CSMD1: variants seen among roughly 807,000 people sequenced by gnomAD.
The protein encoded by CSMD1 is CUB and Sushi multiple domains 1, also known as CUB and sushi domain-containing protein 1.
A neutral mutation model predicts 417.5 loss-of-function variants in CSMD1; 213 were observed. The observed-to-expected ratio is 0.51, with a 90% confidence interval of 0.46 to 0.57. The LOEUF is 0.57. CSMD1 is among the 20% of genes least tolerant of loss of function. The pLI, the probability that CSMD1 is intolerant of heterozygous loss-of-function variation, is 0.00. For missense variants in CSMD1, 6,923 were observed against 4,529.7 expected, an observed-to-expected ratio of 1.53 and a Z score of -15.17; for synonymous variants, 2,862 against 1,736.8, an observed-to-expected ratio of 1.65 and a Z score of -16.11.
intron 7 of CSMD1, among the ~76,000 whole-genome samples, chr8:3,624,674 C>G (rs1046207757): frequency 6.6e-6 from 1 of 152,074 alleles, no homozygotes; most frequent in Non-Finnish European, 1.5e-5. Context: ...AGCAGTCTCC[C>G]CAGTGTATTG....
chr8:4,360,338 A>G (rs763403692), intron 3 of CSMD1, among the ~76,000 whole-genome samples: 4 of 152,148 alleles, frequency 2.6e-5, no homozygotes, highest in African/African-American at 7.2e-5. Context: ...TCCTCCTCTT[A>G]TCTGTTGCAT....
At chr8:3,160,494 G>C (rs1216859163) in intron 38 of CSMD1, among the ~76,000 whole-genome samples, 2 of 152,186 alleles carry the variant, frequency 1.3e-5, no homozygotes, top group Non-Finnish European at 2.9e-5. Context: ...TGAATAGCTT[G>C]AGTGTGTTTG....
At chr8:3,797,720 T>C (rs1353685435) in intron 5 of CSMD1, among the ~76,000 whole-genome samples, 1 of 152,018 alleles carries the variant, frequency 6.6e-6, no homozygotes, top group African/African-American at 2.4e-5. Flanking sequence ...AAAGCTGCTA[T>C]ACATATTCTT....
At chr8:4,860,701 G>C (rs1285549193) in intron 1 of CSMD1, among the ~76,000 whole-genome samples, 1 of 152,060 alleles carries the variant, frequency 6.6e-6, no homozygotes, top group Middle Eastern at 3.2e-3. Flanking sequence ...ATTCACTCTG[G>C]AATAAAGACA....
At chr8:3,844,576 G>C (rs990409713) in intron 5 of CSMD1, among the ~76,000 whole-genome samples, 7 of 152,128 alleles carry the variant, frequency 4.6e-5, no homozygotes, top group African/African-American at 1.4e-4. Flanking sequence ...GTAATAACTA[G>C]AGGCCAATGT....
intron 2 of CSMD1, among the ~76,000 whole-genome samples, chr8:4,442,512 C>T (rs372520491): frequency 1.5e-4 from 23 of 152,146 alleles, no homozygotes; most frequent in African/African-American, 5.1e-4. Flanking sequence ...GATGTTATTC[C>T]TTATGTCTGT....
intron 3 of CSMD1, among the ~76,000 whole-genome samples, chr8:4,246,179 T>C (rs1461911919): frequency 6.6e-6 from 1 of 152,164 alleles, no homozygotes; most frequent in Non-Finnish European, 1.5e-5. Context: ...CTTCCAATAT[T>C]CCATCCTCCA....
chr8:4,217,385 C>T lies in CSMD1; in HGVS notation c.416-185286G>A, dbSNP rs577620202. Among the ~76,000 whole-genome samples the T allele has an allele frequency of 3.9e-5, 6 of 152,250 alleles. No individual in the cohort carries two copies. In the East Asian group the frequency reaches 9.7e-4, roughly 25 times the overall value. ...TCTCTAATATTAGGGAACTTCATTT[C>T]ATGAAATATAACTCTAATATAGTTT... On this transcript the variant is annotated intron_variant, in intron 3 of 69. Transcript: ENST00000635120.
At chr8:4,862,845 C>T (rs1250049832) in intron 1 of CSMD1, among the ~76,000 whole-genome samples, 5 of 151,970 alleles carry the variant, frequency 3.3e-5, no homozygotes, top group African/African-American at 1.2e-4. Flanking sequence ...CCAAGTGTGA[C>T]TCCAAGTCTT....
chr8:3,620,565 G>A (rs1180350934), intron 7 of CSMD1, among the ~76,000 whole-genome samples: 1 of 152,144 alleles, frequency 6.6e-6, no homozygotes, highest in Non-Finnish European at 1.5e-5. Context: ...TTTCGTATAT[G>A]AATGAAGTAA....
At chr8:3,206,103 GT>G (rs915604417) in intron 30 of CSMD1, among the ~76,000 whole-genome samples, 24 of 152,046 alleles carry the variant, frequency 1.6e-4, no homozygotes, top group Non-Finnish European at 2.9e-4. Context: ...TATAGTTTCA[GT>G]AAAAGCAACA....
intron 3 of CSMD1, among the ~76,000 whole-genome samples, chr8:4,255,434 A>G (rs1803386819): frequency 6.6e-6 from 1 of 152,356 alleles, no homozygotes; most frequent in East Asian, 1.9e-4. Flanking sequence ...CTGTTTTCTC[A>G]CTTACTTTGA....
At chr8:3,643,080 G>GA (rs1797386934) in intron 7 of CSMD1, among the ~76,000 whole-genome samples, 1 of 152,050 alleles carries the variant, frequency 6.6e-6, no homozygotes, top group South Asian at 2.1e-4. Context: ...ACGGGAGAGG[G>GA]AGAGAGACAG....
In CSMD1 at chr8:3,359,175, C is replaced by T. The variant is rs763243757; in HGVS notation, c.3281G>A (p.Ser1094Asn). The change falls in exon 21 of 70, where the codon AGT (serine) becomes AAT (asparagine). Residue 1094 changes from serine (S) to asparagine (N), a missense_variant. Physicochemically the swap from Ser to Asn is conservative, Grantham distance 46 (BLOSUM62 1). Transcript: ENST00000635120. ...ACCCACACACCTTGGCAGAGGTGCA[C>T]TCCACACACGGCGGCCCCCACCCAG... ...TCLGGGRRVW[S>N]APLPRCVAEC... The T allele has an allele frequency of 5.6e-6, 9 of 1,614,008 alleles. No individual in the cohort carries two copies. The South Asian group carries it at 9.9e-5, about 18-fold the overall frequency.
intron 5 of CSMD1, among the ~76,000 whole-genome samples, chr8:3,871,936 AAC>A (rs1200869377): frequency 1.3e-5 from 2 of 152,338 alleles, no homozygotes; most frequent in Admixed American, 1.3e-4. Context: ...TCTTCTGAAA[AAC>A]ACAGCCTAAG....
chr8:4,413,319 C>A (rs1463013939), intron 3 of CSMD1, among the ~76,000 whole-genome samples: 3 of 152,138 alleles, frequency 2.0e-5, no homozygotes, highest in Admixed American at 6.6e-5. Flanking sequence ...TTTAACTACG[C>A]TCGTGGGGCT....
intron 1 of CSMD1, among the ~76,000 whole-genome samples, chr8:4,776,827 C>A (rs563363478): frequency 6.6e-6 from 1 of 152,062 alleles, no homozygotes; most frequent in African/African-American, 2.4e-5. Flanking sequence ...AATTCTCTTA[C>A]TGATTTCTGA....
rs1000014693 is a variant in CSMD1, at chr8:4,925,984, T to A, written c.85+68348A>T. Among the ~76,000 whole-genome samples, 3 of 152,358 alleles carry A rather than the reference T, an allele frequency of 2.0e-5. No individual in the cohort carries two copies. The South Asian group carries it at 6.2e-4, about 32-fold the overall frequency. ...TGTTTTCCTATTACAGTTTTAGCAATGCATTCTTTCCAGGTTATATTTAAT... is the reference window on the plus strand; with the variant it reads ...TGTTTTCCTATTACAGTTTTAGCAAAGCATTCTTTCCAGGTTATATTTAAT... On this transcript the variant is annotated intron_variant, in intron 1 of 69. Transcript: ENST00000635120.
At chr8:4,213,095 G>A (rs565137510) in intron 3 of CSMD1, among the ~76,000 whole-genome samples, 1 of 152,098 alleles carries the variant, frequency 6.6e-6, no homozygotes, top group Non-Finnish European at 1.5e-5. Context: ...GAATATAGAT[G>A]CTTCACCCAG....
Sources: allele counts gnomAD v4.1 joint callset (sites outside exome capture counted in the v4.1 genomes callset), GRCh38; gene constraint gnomAD v4.1.1; transcripts MANE v1.5; gene names NCBI Gene and HGNC (gene_info 2026-07-23, HGNC 2026-07-21).